Variants in CCDC62 observed in about 807,000 individuals in gnomAD.
CCDC62 encodes the protein coiled-coil domain-containing protein 62.
A neutral mutation model predicts 80.8 loss-of-function variants in CCDC62; 72 were observed. The observed-to-expected ratio is 0.89, with a 90% CI of 0.74 to 1.08. CCDC62 has a LOEUF of 1.08. CCDC62 is among the 50% of genes least tolerant of loss of function. The pLI is 0.00. For synonymous variants in CCDC62, 286 were observed against 296.5 expected (o/e 0.96, Z 0.36); for missense variants, 704 against 809.4 (o/e 0.87, Z 1.58).
chr12:122,794,658 AATTT>A (rs1411308037), intron 6 of CCDC62, among the ~76,000 whole-genome samples: 2 of 151,924 alleles, frequency 1.3e-5, no homozygotes, highest in Admixed American at 1.3e-4. Context: ...CCTACAAAAG[AATTT>A]ATTTATTTAG....
intron 12 of CCDC62, among the ~76,000 whole-genome samples, chr12:122,825,861 C>T (rs958945551): frequency 1.3e-5 from 2 of 149,936 alleles, no homozygotes; most frequent in African/African-American, 2.4e-5. Context: ...GGCATGGAGG[C>T]GCATGCCTGT....
At chr12:122,787,349 G>A (rs2030318438) in intron 4 of CCDC62, among the ~76,000 whole-genome samples, 1 of 152,062 alleles carries the variant, frequency 6.6e-6, no homozygotes, top group Non-Finnish European at 1.5e-5. Context: ...TACTCTGGAG[G>A]CTGGGGTGGG....
In CCDC62 at chr12:122,797,307, TAG is replaced by T; in HGVS notation, c.781_782del (p.Glu261LysfsTer5). Reference sequence around the variant, plus strand: ...GTTAATAATACTTGTTCTTAAATAGTAGAGAGAGAAAAGAGGAAAGATGAATT... The same window carrying T: ...GTTAATAATACTTGTTCTTAAATAGTAGAGAGAAAAGAGGAAAGATGAATT... On this transcript the variant is annotated frameshift_variant and splice_region_variant, in exon 7 of 13. Coordinates refer to ENST00000253079, the MANE Select transcript of CCDC62 (RefSeq NM_201435.5). LOFTEE classifies it high-confidence loss of function. The T allele has an allele frequency of 6.7e-7, 1 of 1,484,134 alleles. No homozygotes were observed. Among genetic ancestry groups the T allele is most frequent in the Non-Finnish European group, 9.4e-7 (1 of 1,062,344 alleles). 91.9% of individuals were successfully genotyped at this position (1,484,134 alleles called of 1,614,324 possible).
chr12:122,809,881 T>C (rs2031793434), intron 10 of CCDC62, among the ~76,000 whole-genome samples: 1 of 152,084 alleles, frequency 6.6e-6, no homozygotes, highest in African/African-American at 2.4e-5. Context: ...TACAACTATC[T>C]GATCTTTGAC....
At chr12:122,799,690 G>A (rs2031175930) in intron 8 of CCDC62, among the ~76,000 whole-genome samples, 1 of 152,318 alleles carries the variant, frequency 6.6e-6, no homozygotes, top group Non-Finnish European at 1.5e-5. Flanking sequence ...AGGGATTAGG[G>A]AAGCTCCCCA....
chr12:122,801,987 ACCAATGGTT>A (rs1274985019), intron 9 of CCDC62, 135 bp downstream of exon 9: 2 of 934,062 alleles, frequency 2.1e-6, no homozygotes, highest in African/African-American at 3.3e-5. Flanking sequence ...CTTCCTTAGG[ACCAATGGTT>A]CCCTCTTTTC....
At position 122,799,446 on chromosome 12, in the gene CCDC62, C is replaced by T. The variant is rs553659284; in HGVS notation, c.977+1246C>T. ...GAATGCATTGATTACTGAGTAGGAGCCCCACTCCACCGAGGGTGATCTGTG... is the reference window on the plus strand; with the variant it reads ...GAATGCATTGATTACTGAGTAGGAGTCCCACTCCACCGAGGGTGATCTGTG... On this transcript the variant is annotated intron_variant, in intron 8 of 12. Coordinates refer to ENST00000253079, the MANE Select transcript of CCDC62 (RefSeq NM_201435.5). Among the ~76,000 whole-genome samples the T allele has an allele frequency of 2.0e-5, 3 of 152,284 alleles. No homozygotes were observed. In the South Asian group the frequency reaches 6.2e-4, roughly 32 times the overall value.
chr12:122,795,522 C>G (rs1339967329), intron 6 of CCDC62, among the ~76,000 whole-genome samples: 3 of 151,964 alleles, frequency 2.0e-5, no homozygotes, highest in East Asian at 1.9e-4. Context: ...CTCCTGGGTT[C>G]ATGCCATTCT....
At chr12:122,805,508 T>TC (rs1365123988) in intron 9 of CCDC62, among the ~76,000 whole-genome samples, 37 of 74,846 alleles carry the variant, frequency 4.9e-4, no homozygotes, top group Non-Finnish European at 9.1e-4. Flanking sequence ...CACACCCAGC[T>TC]CTTTTTTTTT....
intron 11 of CCDC62, among the ~76,000 whole-genome samples, chr12:122,816,404 C>T (rs1394244720): frequency 6.6e-6 from 1 of 152,132 alleles, no homozygotes; most frequent in Non-Finnish European, 1.5e-5. Flanking sequence ...CATTCTTTGG[C>T]AGCTATTTCT....
At chr12:122,812,382 C>T (rs1593825714) in intron 10 of CCDC62, among the ~76,000 whole-genome samples, 1 of 143,460 alleles carries the variant, frequency 7.0e-6, no homozygotes, top group South Asian at 2.3e-4. Context: ...GTGGAGGTTG[C>T]AGTGAGCTGA....
At chr12:122,778,345 C>A (rs564300513) in intron 2 of CCDC62, among the ~76,000 whole-genome samples, 4 of 127,212 alleles carry the variant, frequency 3.1e-5, no homozygotes, top group South Asian at 4.6e-4. Context: ...CAGAACAAGA[C>A]CCTGTCCCAA....
intron 5 of CCDC62, among the ~76,000 whole-genome samples, chr12:122,791,193 T>G (rs550746566): frequency 1.3e-5 from 2 of 152,120 alleles, no homozygotes; most frequent in Non-Finnish European, 2.9e-5. Context: ...CAGGCTGGAG[T>G]GCAATGGCGC....
Position 122,827,214 on chromosome 12 carries a change from A to T in CCDC62, c.*833A>T, listed in dbSNP as rs2032669625. The T allele has an allele frequency of 6.6e-6, 1 of 152,230 alleles. No individual in the cohort carries two copies. Among genetic ancestry groups the T allele is most frequent in the Non-Finnish European group, 1.5e-5 (1 of 68,044 alleles). The allele number at this position is 152,230 out of a possible 1,614,324, so 9.4% of individuals were successfully genotyped here. A position where few individuals can be genotyped will look rare whatever the true frequency, so the allele number is the denominator to read the frequency against. On this transcript the variant is annotated 3_prime_UTR_variant, in exon 13 of 13. Transcript: ENST00000253079. ...AGATATTTTTAATATTAAAGAAAAA[A>T]TATGTTTCCTTGGTTTCTTTTTATT...
At chr12:122,797,281 T>C (rs2031019932) in intron 6 of CCDC62, 26 bp from the exon 7 acceptor site, 2 of 1,113,448 alleles carry the variant, frequency 1.8e-6, no homozygotes, top group Admixed American at 3.4e-5. Context: ...TGATGAAAAA[T>C]GTTAATAATA....
In CCDC62 at chr12:122,824,227, C is replaced by T. The variant is rs140028095; in HGVS notation, c.*40+768C>T. ...GGCCAGGAGTTTGAGACAAGCCTGG[C>T]CAACATGGTGAAACCGCGTTTCTAC... On this transcript the variant is annotated intron_variant, in intron 12 of 12. Transcript: ENST00000253079. Among the ~76,000 whole-genome samples the T allele has an allele frequency of 7.2e-3, 1,094 of 151,960 alleles. 10 individuals carry two copies. The highest frequency in any genetic ancestry group is 0.024 in the Middle Eastern group (7 of 294).
intron 2 of CCDC62, among the ~76,000 whole-genome samples, chr12:122,780,507 G>A (rs1337680529): frequency 6.6e-5 from 10 of 151,316 alleles, no homozygotes; most frequent in African/African-American, 9.7e-5. Flanking sequence ...CCAGCTACTC[G>A]GGAGGCTGAG....
intron 10 of CCDC62, among the ~76,000 whole-genome samples, chr12:122,811,697 G>T (rs1477972187): frequency 1.3e-5 from 2 of 150,826 alleles, no homozygotes; most frequent in African/African-American, 4.9e-5. Flanking sequence ...GCACATGCCT[G>T]TAGTCCCAGC....
intron 6 of CCDC62, among the ~76,000 whole-genome samples, chr12:122,794,929 C>T (rs1200819431): frequency 6.6e-6 from 1 of 152,144 alleles, no homozygotes; most frequent in Non-Finnish European, 1.5e-5. Flanking sequence ...CCTTGGCCTC[C>T]CAAAGTACTA....
Sources: gnomAD v4.1 joint callset for allele counts (sites outside exome capture counted in the v4.1 genomes callset) on GRCh38, gnomAD v4.1.1 for gene constraint, MANE v1.5 for transcripts, NCBI Gene and HGNC (gene_info 2026-07-23, HGNC 2026-07-21) for gene names.